PCNX2: variants seen among roughly 807,000 people sequenced by gnomAD.
The protein encoded by PCNX2 is pecanex-like protein 2.
In PCNX2, 168 loss-of-function variants were observed where a neutral mutation model predicts 223.8. The ratio of observed to expected loss-of-function variants is 0.75; its 90% CI spans 0.66 to 0.85. The LOEUF (loss-of-function observed/expected upper bound fraction) is 0.85. Among genes scored for constraint, PCNX2 ranks in the 40% least tolerant of loss-of-function variants. The pLI, the probability that PCNX2 is intolerant of heterozygous loss-of-function variation, is 0.00. For synonymous variants in PCNX2, 1,006 were observed against 1,052.6 expected (o/e 0.96, Z 0.86); for missense variants, 2,507 against 2,675.5 (o/e 0.94, Z 1.39).
intron 25 of PCNX2, among the ~76,000 whole-genome samples, chr1:233,028,764 G>A (rs906567136): frequency 6.6e-6 from 1 of 151,670 alleles, no homozygotes; most frequent in Non-Finnish European, 1.5e-5. Context: ...GTTATTTATA[G>A]GACTGGGTGA....
chr1:233,273,210 T>C (rs1572186147), intron 1 of PCNX2, among the ~76,000 whole-genome samples: 1 of 151,806 alleles, frequency 6.6e-6, no homozygotes, highest in Non-Finnish European at 1.5e-5. Flanking sequence ...AAATAAAATA[T>C]TAAAATCAGT....
At chr1:233,060,390 A>G (rs905048985) in intron 23 of PCNX2, among the ~76,000 whole-genome samples, 2 of 152,222 alleles carry the variant, frequency 1.3e-5, no homozygotes, top group African/African-American at 4.8e-5. Flanking sequence ...TAGGGAACTA[A>G]AACACCTTCT....
In PCNX2 at chr1:233,254,280, T is replaced by C. The variant is rs538906668; in HGVS notation, c.1835-1492A>G. On this transcript the variant is annotated intron_variant, in intron 5 of 33. Transcript: ENST00000258229. ...CATTTCATGTGACAGCCTGTCAAGA[T>C]AGAAGTTTTCACAGTTTTCCAGAAA... 7.9e-5 allele frequency among the ~76,000 whole-genome samples: 12 copies of C among 152,352 alleles called. No homozygotes were observed. The South Asian group carries it at 8.3e-4, about 11-fold the overall frequency.
chr1:233,089,641 T>C (rs1673771375), intron 23 of PCNX2, among the ~76,000 whole-genome samples: 1 of 152,222 alleles, frequency 6.6e-6, no homozygotes, highest in South Asian at 2.1e-4. Context: ...AGAGCTGTGA[T>C]GGCTACCCAC....
At chr1:233,325,664 T>A in the PCNX2 span, among the ~76,000 whole-genome samples, 1 of 152,080 alleles carries the variant, frequency 6.6e-6, no homozygotes, top group Non-Finnish European at 1.5e-5. Context: ...TGCTACAATC[T>A]CATGATCAAA....
chr1:233,045,459 A>C (rs903725980), intron 25 of PCNX2, among the ~76,000 whole-genome samples: 1 of 152,152 alleles, frequency 6.6e-6, no homozygotes, highest in African/African-American at 2.4e-5. Context: ...TGGACTCTAC[A>C]TGAATGTGTA....
chr1:233,186,315 C>T (rs1217183342), intron 15 of PCNX2, among the ~76,000 whole-genome samples: 3 of 152,110 alleles, frequency 2.0e-5, no homozygotes, highest in Non-Finnish European at 4.4e-5. Context: ...AGTCCTATTT[C>T]TAGGTCTATT....
intron 12 of PCNX2, among the ~76,000 whole-genome samples, chr1:233,214,059 C>T (rs2102921512): frequency 6.6e-6 from 1 of 151,806 alleles, no homozygotes; most frequent in East Asian, 1.9e-4. Context: ...GAACTCCTGA[C>T]CTTGTGATCC....
intron 23 of PCNX2, among the ~76,000 whole-genome samples, chr1:233,084,185 G>A (rs1411009846): frequency 6.6e-6 from 1 of 152,140 alleles, no homozygotes; most frequent in Non-Finnish European, 1.5e-5. Flanking sequence ...TATGTGCTGG[G>A]ATTTTAATTG....
At chr1:233,296,875 A>G (rs1263998410), upstream of PCNX2, among the ~76,000 whole-genome samples, 3 of 152,216 alleles carry the variant, frequency 2.0e-5, no homozygotes, top group East Asian at 5.8e-4. Flanking sequence ...GGACAGGCCC[A>G]TCATGAGGAG....
intron 31 of PCNX2, 100 bp from the exon 32 acceptor site, chr1:232,998,538 G>C: frequency 7.4e-7 from 1 of 1,353,400 alleles, no homozygotes; most frequent in Admixed American, 2.2e-5. Context: ...CGAAGAGCGT[G>C]CTCTCCAGGT....
At chr1:233,270,527 G>GC (rs1268535505) in intron 1 of PCNX2, among the ~76,000 whole-genome samples, 1 of 152,172 alleles carries the variant, frequency 6.6e-6, no homozygotes, top group South Asian at 2.1e-4. Context: ...TTAGATATAG[G>GC]CCCCCCTTGC....
chr1:233,148,457 G>T, intron 19 of PCNX2, among the ~76,000 whole-genome samples: 1 of 150,586 alleles, frequency 6.6e-6, no homozygotes, highest in Non-Finnish European at 1.5e-5. Flanking sequence ...TTTTGAGATG[G>T]AGTCTCACTC....
In PCNX2 at chr1:233,036,073, A is replaced by T. The variant is rs1671443681; in HGVS notation, c.4352-10674T>A. ...AAAGACTTTAAAAAGTTTTTGAATG[A>T]TTGTCATTTTCAAGAAGGTCACAGT... is the stretch of plus-strand genomic sequence containing the variant. On this transcript the variant is annotated intron_variant, in intron 25 of 33. Coordinates refer to ENST00000258229, the MANE Select transcript of PCNX2 (RefSeq NM_014801.4). Among the ~76,000 whole-genome samples, 6 of 152,146 alleles carry T rather than the reference A, an allele frequency of 3.9e-5. No individual in the cohort carries two copies. In the South Asian group the frequency reaches 1.0e-3, roughly 26 times the overall value.
chr1:233,034,136 C>G (rs537424384), intron 25 of PCNX2, among the ~76,000 whole-genome samples: 1 of 152,112 alleles, frequency 6.6e-6, no homozygotes, highest in Non-Finnish European at 1.5e-5. Flanking sequence ...TGCTTGAACC[C>G]GGGAGGCGGA....
intron 17 of PCNX2, among the ~76,000 whole-genome samples, chr1:233,167,356 G>A (rs150918401): frequency 6.2e-4 from 94 of 152,234 alleles, no homozygotes; most frequent in African/African-American, 2.2e-3. Flanking sequence ...GAGAGAGAGA[G>A]AGAGTCAAAC....
chr1:233,032,918 T>C (rs1671319697), intron 25 of PCNX2: 1 of 910,752 alleles, frequency 1.1e-6, no homozygotes, highest in Non-Finnish European at 1.3e-6. Context: ...AGGATCATAT[T>C]AAAAAAGAAT....
chr1:233,051,157 T>G (rs376933693), intron 25 of PCNX2, among the ~76,000 whole-genome samples: 9 of 152,202 alleles, frequency 5.9e-5, no homozygotes, highest in African/African-American at 2.2e-4. Flanking sequence ...ATAGCTATTA[T>G]TAAAAAGTAA....
At chr1:233,103,926 C>T (rs903975482) in intron 21 of PCNX2, among the ~76,000 whole-genome samples, 4 of 152,136 alleles carry the variant, frequency 2.6e-5, no homozygotes, top group Non-Finnish European at 4.4e-5. Flanking sequence ...CTCATTTCTC[C>T]ACATCCTCAC....
Sources: allele counts gnomAD v4.1 joint callset (sites outside exome capture counted in the v4.1 genomes callset), GRCh38; gene constraint gnomAD v4.1.1; transcripts MANE v1.5; gene names NCBI Gene and HGNC (gene_info 2026-07-23, HGNC 2026-07-21).